Variants in ENTHD1 observed in about 807,000 individuals in gnomAD.
ENTHD1 encodes the protein ENTH domain containing 1, also known as ENTH domain-containing protein 1.
In ENTHD1, 23 loss-of-function variants were observed where a neutral mutation model predicts 39.1. The ratio of observed to expected loss-of-function variants is 0.59; its 90% confidence interval spans 0.42 to 0.83. The LOEUF (loss-of-function observed/expected upper bound fraction) is 0.83. Among genes scored for constraint, ENTHD1 ranks in the 40% least tolerant of loss-of-function variants. ENTHD1 has a pLI of 0.00. For synonymous variants in ENTHD1, 230 were observed against 258.2 expected (o/e 0.89, Z 1.05); for missense variants, 624 against 705.4 (o/e 0.88, Z 1.31).
intron 3 of ENTHD1, among the ~76,000 whole-genome samples, chr22:39,847,263 C>G (rs925969021): frequency 6.7e-6 from 1 of 150,140 alleles, no homozygotes. Flanking sequence ...AGTAAACTAT[C>G]GCAAGGACAA....
At chr22:39,885,505 C>G (rs1389694435) in intron 2 of ENTHD1, among the ~76,000 whole-genome samples, 1 of 152,174 alleles carries the variant, frequency 6.6e-6, no homozygotes, top group African/African-American at 2.4e-5. Flanking sequence ...CCTAAGTATA[C>G]ACCCAAATAA....
chr22:39,777,993 G>A (rs2065378958), intron 5 of ENTHD1, among the ~76,000 whole-genome samples: 1 of 152,178 alleles, frequency 6.6e-6, no homozygotes, highest in East Asian at 1.9e-4. Context: ...GTGCCTGAGG[G>A]CACAAGAGTA....
At chr22:39,851,327 T>C (rs1274387358) in intron 3 of ENTHD1, among the ~76,000 whole-genome samples, 1 of 152,234 alleles carries the variant, frequency 6.6e-6, no homozygotes, top group African/African-American at 2.4e-5. Flanking sequence ...CAGTAGTATT[T>C]CTCATTTCTG....
intron 2 of ENTHD1, among the ~76,000 whole-genome samples, chr22:39,884,941 G>A (rs1363079106): frequency 6.6e-6 from 1 of 152,164 alleles, no homozygotes; most frequent in Non-Finnish European, 1.5e-5. Flanking sequence ...ATTGGACAAT[G>A]GAGCCCATAG....
chr22:39,759,659 C>A (rs1357675279), intron 6 of ENTHD1, among the ~76,000 whole-genome samples: 1 of 151,790 alleles, frequency 6.6e-6, no homozygotes, highest in Admixed American at 6.6e-5. Context: ...AAGTTAGAAC[C>A]TTCTATTACT....
intron 5 of ENTHD1, among the ~76,000 whole-genome samples, chr22:39,793,730 G>C (rs2065524089): frequency 6.6e-6 from 1 of 152,192 alleles, no homozygotes; most frequent in Non-Finnish European, 1.5e-5. Flanking sequence ...ATTCTCCAGT[G>C]TATATTCTTG....
intron 2 of ENTHD1, 138 bp from the exon 3 acceptor site, chr22:39,862,145 G>A (rs901087642): frequency 1.9e-6 from 1 of 524,682 alleles, no homozygotes; most frequent in African/African-American, 1.9e-5. Context: ...CTACTGATAA[G>A]TATATTCCTT....
At chr22:39,833,601 T>C (rs967450313) in intron 4 of ENTHD1, among the ~76,000 whole-genome samples, 8 of 151,792 alleles carry the variant, frequency 5.3e-5, no homozygotes, top group African/African-American at 1.9e-4. Context: ...TGGATATAGC[T>C]GAGAATAAAT....
chr22:39,754,630 T>G (rs2065171368), intron 6 of ENTHD1, among the ~76,000 whole-genome samples: 1 of 152,198 alleles, frequency 6.6e-6, no homozygotes, highest in Admixed American at 6.5e-5. Flanking sequence ...TTTTTCCTCC[T>G]TCCTTACAGG....
At chr22:39,892,419 G>A (rs1325243121) in intron 1 of ENTHD1, among the ~76,000 whole-genome samples, 1 of 152,232 alleles carries the variant, frequency 6.6e-6, no homozygotes, top group Non-Finnish European at 1.5e-5. Flanking sequence ...GAATTTTCAA[G>A]AGTAGTGCCA....
chr22:39,820,137 A>G (rs1331101714), intron 5 of ENTHD1, among the ~76,000 whole-genome samples: 2 of 152,206 alleles, frequency 1.3e-5, no homozygotes, highest in African/African-American at 4.8e-5. Context: ...AGAAAACTCT[A>G]TAAATATGAA....
chr22:39,879,187 G>A (rs2066314593), intron 2 of ENTHD1, among the ~76,000 whole-genome samples: 1 of 152,016 alleles, frequency 6.6e-6, no homozygotes, highest in Admixed American at 6.6e-5. Flanking sequence ...TACAGGCCGG[G>A]CACGGTGGCT....
In ENTHD1 at chr22:39,765,176, T is replaced by TTGTGTGTGTGTGTG. The variant is rs71326782; in HGVS notation, c.1219+33_1219+46dup. The TTGTGTGTGTGTGTG allele has an allele frequency of 4.3e-5, 61 of 1,403,004 alleles. No homozygotes were observed. In the Middle Eastern group the frequency reaches 5.6e-4, roughly 13 times the overall value. The allele number at this position is 1,403,004 out of a possible 1,614,324, so 86.9% of individuals were successfully genotyped here. A position where few individuals can be genotyped will look rare whatever the true frequency, so the allele number is the denominator to read the frequency against. Reference sequence around the variant, plus strand: ...ATAATGCTTCAAAAGAGGTTTTTTGTTGTGTGTGTGTGTGTGTGTGTGTGT... The same window carrying TTGTGTGTGTGTGTG: ...ATAATGCTTCAAAAGAGGTTTTTTGTTGTGTGTGTGTGTGTGTGTGTGTGTGTGTGTGTGTGTGT... On this transcript the variant is annotated intron_variant, in intron 6 of 6. Coordinates refer to ENST00000325157, the MANE Select transcript of ENTHD1 (RefSeq NM_152512.4).
chr22:39,886,590 C>T (rs2066380947), intron 2 of ENTHD1, among the ~76,000 whole-genome samples: 1 of 152,142 alleles, frequency 6.6e-6, no homozygotes, highest in African/African-American at 2.4e-5. Context: ...AAAATGCATG[C>T]TTCCCAGAGA....
rs964722447 is a variant in ENTHD1 at position 39,867,799 on chromosome 22, A to C, written c.350-5792T>G. ...TGAGAGCACAACTCCGTCTCAAAAA[A>C]AAAATCCCTCCAGTCAAGTTGACAC... On this transcript the variant is annotated intron_variant, in intron 2 of 6. Transcript: ENST00000325157. The surrounding 1 kb of genome is among the most constrained non-coding windows in gnomAD (Gnocchi z 4.5). Among the ~76,000 whole-genome samples, 73 of 152,188 alleles carry C rather than the reference A, an allele frequency of 4.8e-4. No homozygotes were observed. Among genetic ancestry groups the C allele is most frequent in the Non-Finnish European group, 9.3e-4 (63 of 68,024 alleles).
At chr22:39,798,779 T>C (rs1392155905) in intron 5 of ENTHD1, among the ~76,000 whole-genome samples, 1 of 152,130 alleles carries the variant, frequency 6.6e-6, no homozygotes, top group African/African-American at 2.4e-5. Flanking sequence ...GGTGGGCAAG[T>C]CCTCCGTCCC....
Position 39,765,521 on chromosome 22 carries a change from A to G in ENTHD1, c.921T>C (p.Thr307=), listed in dbSNP as rs761379154. The part of the protein sequence containing the change: ...DKRSDGIFTN[T]VTENLLETPL... Reference sequence around the variant, plus strand: ...GTGTTTCCAAGAGGTTTTCTGTGACAGTATTTGTAAAGATACCATCTGATC... The same window carrying G: ...GTGTTTCCAAGAGGTTTTCTGTGACGGTATTTGTAAAGATACCATCTGATC... Residue 307 remains threonine (T), a synonymous_variant, in exon 6 of 7, where the codon ACT becomes ACC. Coordinates refer to ENST00000325157, the MANE Select transcript of ENTHD1 (RefSeq NM_152512.4). 1 of 1,613,942 alleles carries G rather than the reference A, an allele frequency of 6.2e-7. No individual in the cohort carries two copies. The highest frequency in any genetic ancestry group is 8.5e-7 in the Non-Finnish European group (1 of 1,179,946).
At chr22:39,769,433 G>C (rs981530812) in intron 5 of ENTHD1, among the ~76,000 whole-genome samples, 3 of 152,162 alleles carry the variant, frequency 2.0e-5, no homozygotes, top group Non-Finnish European at 2.9e-5. Context: ...GGTTGCCTCA[G>C]AACTGTCCTC....
intron 6 of ENTHD1, among the ~76,000 whole-genome samples, chr22:39,764,128 T>C (rs2065256834): frequency 2.0e-5 from 3 of 152,340 alleles, no homozygotes; most frequent in South Asian, 2.1e-4. Flanking sequence ...CCATTGTTTA[T>C]ATTTATATGT....
Sources: gnomAD v4.1 joint callset for allele counts (sites outside exome capture counted in the v4.1 genomes callset) on GRCh38, gnomAD v4.1.1 for gene constraint, Gnocchi (gnomAD v3.1) non-coding constraint, MANE v1.5 for transcripts, NCBI Gene and HGNC (gene_info 2026-07-23, HGNC 2026-07-21) for gene names.